Variants in TECTA observed in about 807,000 individuals in gnomAD.
The protein encoded by TECTA is tectorin alpha, also known as alpha-tectorin.
Under a neutral mutation model 216.8 loss-of-function variants are expected in TECTA, and 128 were observed. The ratio of observed to expected loss-of-function variants is 0.59; its 90% confidence interval spans 0.51 to 0.68. The LOEUF (loss-of-function observed/expected upper bound fraction) is 0.68. TECTA is among the 30% of genes least tolerant of loss of function. The pLI is 0.00. For missense variants in TECTA, 2,551 were observed against 2,786.2 expected, an observed-to-expected ratio of 0.92 and a Z score of 1.90; for synonymous variants, 1,089 against 1,117.1, an observed-to-expected ratio of 0.97 and a Z score of 0.50.
rs397517145 is a variant in TECTA at position 121,128,176 on chromosome 11, C to T, written c.2199C>T (p.Ser733=). The change falls in exon 9 of 24, where the codon TCC becomes TCT. Residue 733 remains serine (S), a synonymous_variant. Transcript: ENST00000392793. ...ACGGCGCCTCCTACGCCTTCCCCTC[C>T]GAGTTCTCCTACACCCTCCTGAAGA... ...TFDGASYAFP[S]EFSYTLLKTC... The T allele has an allele frequency of 1.7e-5, 27 of 1,609,332 alleles. No homozygotes were observed. In the East Asian group the frequency reaches 4.0e-4, roughly 24 times the overall value.
At chr11:121,147,839 G>C (rs557001751) in intron 12 of TECTA, among the ~76,000 whole-genome samples, 74 of 152,244 alleles carry the variant, frequency 4.9e-4, no homozygotes, top group African/African-American at 1.7e-3. Context: ...AAAAACCAAT[G>C]CTTCCAACTG....
chr11:121,134,548 G>A (rs1946707329), intron 10 of TECTA, among the ~76,000 whole-genome samples: 1 of 151,448 alleles, frequency 6.6e-6, no homozygotes, highest in Admixed American at 6.6e-5. Context: ...CACATCCGGT[G>A]GGACCTTATC....
Position 121,160,156 on chromosome 11 carries a change from G to C in TECTA, c.4711G>C (p.Val1571Leu), listed in dbSNP as rs1946983324. Residue 1571 changes from valine (V) to leucine (L), a missense_variant, in exon 15 of 24, where the codon GTT becomes CTT. Coordinates refer to ENST00000392793, the MANE Select transcript of TECTA (RefSeq NM_005422.4). Reference protein sequence around the residue: ...TVKVNGTQVNVPFITGLATKI... With the variant: ...TVKVNGTQVNLPFITGLATKI... Reference sequence around the variant, plus strand: ...ATAGGTGAATGGCACACAAGTGAATGTTCCATTTATAACTGGTTTGGCAAC... The same window carrying C: ...ATAGGTGAATGGCACACAAGTGAATCTTCCATTTATAACTGGTTTGGCAAC... 2.5e-6 allele frequency: 4 copies of C among 1,614,202 alleles called. No individual in the cohort carries two copies. The highest frequency in any genetic ancestry group is 2.5e-6 in the Non-Finnish European group (3 of 1,180,050).
At position 121,127,691 on chromosome 11, in the gene TECTA, G is replaced by A. The variant is rs1391921221; in HGVS notation, c.1775-61G>A. On this transcript the variant is annotated intron_variant, in intron 8 of 23. Transcript: ENST00000392793. This position sits in a 1 kb window ranked among gnomAD's most constrained non-coding sequence, Gnocchi z 5.0. Reference sequence around the variant, plus strand: ...ATCCAGGAGGAGCGTTAAGATTCTGGCGGGTTAGCACTCCGGGTCCATTCA... The same window carrying A: ...ATCCAGGAGGAGCGTTAAGATTCTGACGGGTTAGCACTCCGGGTCCATTCA... The A allele has an allele frequency of 6.3e-7, 1 of 1,582,182 alleles. No homozygotes were observed. The highest frequency in any genetic ancestry group is 8.7e-7 in the Non-Finnish European group (1 of 1,151,334).
At chr11:121,122,707 G>C (rs973470975) in intron 7 of TECTA, among the ~76,000 whole-genome samples, 4 of 138,596 alleles carry the variant, frequency 2.9e-5, no homozygotes, top group Non-Finnish European at 4.6e-5. Flanking sequence ...AGCCAAAATA[G>C]CCAGGTGTTG....
At chr11:121,106,776 G>T (rs1454508632) in intron 3 of TECTA, among the ~76,000 whole-genome samples, 7 of 152,162 alleles carry the variant, frequency 4.6e-5, no homozygotes, top group African/African-American at 1.7e-4. Flanking sequence ...TATGGCTCCG[G>T]GATGATTCCC....
At chr11:121,171,302 A>G (rs1274800427) in intron 20 of TECTA, among the ~76,000 whole-genome samples, 1 of 152,092 alleles carries the variant, frequency 6.6e-6, no homozygotes, top group Admixed American at 6.5e-5. Context: ...TTTTTATACA[A>G]TACCATGCTG....
Position 121,182,823 on chromosome 11 carries a change from C to A in TECTA, c.6000-5009C>A, listed in dbSNP as rs142232612. Among the ~76,000 whole-genome samples the A allele has an allele frequency of 5.6e-4, 85 of 152,000 alleles. 7 individuals carry two copies. In the East Asian group the frequency reaches 0.016, roughly 28 times the overall value. On this transcript the variant is annotated intron_variant, in intron 20 of 23. Transcript: ENST00000392793. ...GTGGTGACTGGTGGGTGAGTCAAAC[C>A]CCAGATCCCTCGACAGGATACATGG...
intron 10 of TECTA, among the ~76,000 whole-genome samples, chr11:121,132,847 G>A (rs373537213): frequency 2.6e-5 from 4 of 152,014 alleles, no homozygotes; most frequent in South Asian, 4.2e-4. Context: ...TCAGCCTCCC[G>A]AGTAACTGAG....
chr11:121,135,018 G>A (rs1031241032), intron 10 of TECTA, among the ~76,000 whole-genome samples: 1 of 152,154 alleles, frequency 6.6e-6, no homozygotes, highest in Non-Finnish European at 1.5e-5. Context: ...TTGGGCTGAG[G>A]GCCAGGGCTC....
At chr11:121,158,370 A>C in intron 14 of TECTA, 146 bp downstream of exon 14, 1 of 1,195,402 alleles carries the variant, frequency 8.4e-7, no homozygotes, top group Non-Finnish European at 1.2e-6. Context: ...GTTTTAAAGA[A>C]TCAAAGTATG....
At chr11:121,180,881 A>G (rs1484834423) in intron 20 of TECTA, among the ~76,000 whole-genome samples, 1 of 89,548 alleles carries the variant, frequency 1.1e-5, no homozygotes, top group Non-Finnish European at 2.3e-5. Flanking sequence ...AAAATTCTTT[A>G]TTCTGGCCAG....
chr11:121,183,301 G>C (rs540828593), intron 20 of TECTA, among the ~76,000 whole-genome samples: 2 of 152,264 alleles, frequency 1.3e-5, no homozygotes, highest in African/African-American at 4.8e-5. Context: ...TGCTGCAGCT[G>C]CTTGGGTCTG....
intron 10 of TECTA, among the ~76,000 whole-genome samples, chr11:121,134,923 G>A (rs1040864885): frequency 1.2e-4 from 18 of 152,168 alleles, no homozygotes; most frequent in African/African-American, 4.1e-4. Flanking sequence ...TCCCTCATCT[G>A]GGCCAGCAGA....
rs938346524 is a variant in TECTA at position 121,190,687 on chromosome 11, T to G, written c.6368-19T>G. ...ATTTTTCCCCCCATAGGGCTTACTG[T>G]GTTCCTCTCTGTTTACAGCCTCTAA... is the stretch of plus-strand genomic sequence containing the variant. On this transcript the variant is annotated intron_variant, in intron 23 of 23. Transcript: ENST00000392793. 7.5e-6 allele frequency: 12 copies of G among 1,589,622 alleles called. No individual in the cohort carries two copies. Among genetic ancestry groups the G allele is most frequent in the Non-Finnish European group, 1.0e-5 (12 of 1,158,032 alleles).
chr11:121,114,363 T>A (rs564787908), intron 6 of TECTA, among the ~76,000 whole-genome samples: 4 of 152,318 alleles, frequency 2.6e-5, no homozygotes, highest in African/African-American at 9.6e-5. Flanking sequence ...TTTGGAGCCT[T>A]TTCTGAACTA....
Position 121,146,027 on chromosome 11 carries a change from A to G in TECTA, c.4016A>G (p.Gln1339Arg). 1 of 1,614,034 alleles carries G rather than the reference A, an allele frequency of 6.2e-7. No homozygotes were observed. Among genetic ancestry groups the G allele is most frequent in the Non-Finnish European group, 8.5e-7 (1 of 1,180,058 alleles). ...TCTTGCATCGATGGGGGCGCGGTGC[A>G]GACCGCCTGCAGCTGGCTGCAGAAC... ...FDSCIDGGAVQTACSWLQNYA... is the reference protein window; with the variant it reads ...FDSCIDGGAVRTACSWLQNYA... The change falls in exon 12 of 24, where the codon CAG (glutamine) becomes CGG (arginine). Residue 1339 changes from glutamine (Q) to arginine (R), a missense_variant. Physicochemically the swap from Gln to Arg is conservative, Grantham distance 43. Around this residue, in one of 3 missense-constraint regions of TECTA, gnomAD observed 2,375 missense variants for 2,563.9 expected, o/e 0.93. Coordinates refer to ENST00000392793, the MANE Select transcript of TECTA (RefSeq NM_005422.4).
In TECTA at chr11:121,157,878, G is replaced by C. The variant is rs866028341; in HGVS notation, c.4343G>C (p.Arg1448Pro). The C allele has an allele frequency of 1.2e-6, 2 of 1,614,080 alleles. No individual in the cohort carries two copies. The highest frequency in any genetic ancestry group is 1.3e-5 in the African/African-American group (1 of 74,942). ...QLFWNSDCTR[R>P]CRCFRRNVIQ... The stretch of plus-strand genomic sequence containing the variant: ...TTTTGGAACAGCGACTGCACGCGGC[G>C]CTGCCGCTGTTTCCGTCGCAACGTG... Residue 1448 changes from arginine to proline, a missense_variant, in exon 14 of 24, where the codon CGC (arginine) becomes CCC (proline). Physicochemically the swap from Arg to Pro is moderately radical, Grantham distance 103. Transcript: ENST00000392793.
In TECTA at chr11:121,129,639, T is replaced by C; in HGVS notation, c.2369T>C (p.Leu790Ser). The stretch of plus-strand genomic sequence containing the variant: ...GATAAGAATGACTTGATTTTTCAGT[T>C]GAATGGTCAGGAAGTGGAATTGCCT... Reference protein sequence around the residue: ...IGGIGASEVKLNGQEVELPFF... With the variant: ...IGGIGASEVKSNGQEVELPFF... The change falls in exon 10 of 24, where the codon TTG becomes TCG. Residue 790 changes from leucine to serine, a missense_variant and splice_region_variant. Transcript: ENST00000392793. 1 of 1,614,182 alleles carries C rather than the reference T, an allele frequency of 6.2e-7. No individual in the cohort carries two copies. The highest frequency in any genetic ancestry group is 8.5e-7 in the Non-Finnish European group (1 of 1,180,016).
Sources: allele counts gnomAD v4.1 joint callset (sites outside exome capture counted in the v4.1 genomes callset), GRCh38; gene constraint gnomAD v4.1.1; regional missense constraint gnomAD v4.1.1; non-coding constraint Gnocchi (gnomAD v3.1); transcripts MANE v1.5; gene names NCBI Gene and HGNC (gene_info 2026-07-23, HGNC 2026-07-21).